The following RAB27B variants were observed in gnomAD, a reference collection of about 807,000 sequenced individuals.
The protein encoded by RAB27B is ras-related protein Rab-27B.
A neutral mutation model predicts 24.6 loss-of-function variants in RAB27B; 15 were observed. The observed-to-expected ratio is 0.61, with a 90% CI of 0.41 to 0.94. RAB27B has a LOEUF of 0.94. RAB27B is among the 40% of genes least tolerant of loss of function. The probability of loss-of-function intolerance (pLI) is 0.00; values close to 1 mark genes in which losing one functional copy is unlikely to be tolerated. For synonymous variants in RAB27B, 105 were observed against 92.5 expected, an observed-to-expected ratio of 1.14 and a Z score of -0.78; for missense variants, 261 against 266.8, an observed-to-expected ratio of 0.98 and a Z score of 0.15.
intron 2 of RAB27B, among the ~76,000 whole-genome samples, chr18:54,730,641 G>A (rs1374335313): frequency 6.6e-6 from 1 of 151,848 alleles, no homozygotes; most frequent in African/African-American, 2.4e-5. Context: ...AGTTCACATG[G>A]GAGCTGGTGT....
chr18:54,836,724 A>AT (rs1330286662), intron 1 of RAB27B, among the ~76,000 whole-genome samples: 2 of 151,942 alleles, frequency 1.3e-5, no homozygotes, highest in Non-Finnish European at 2.9e-5. Context: ...AAATCGGAGG[A>AT]TTTAAACATA....
chr18:54,868,453 T>A (rs1475168620), intron 1 of RAB27B, among the ~76,000 whole-genome samples: 1 of 152,180 alleles, frequency 6.6e-6, no homozygotes, highest in Non-Finnish European at 1.5e-5. Flanking sequence ...TTTTTCTTTA[T>A]AAAGTACCCA....
upstream of RAB27B, chr18:54,828,092 C>T (rs564111625): frequency 6.6e-6 from 1 of 152,292 alleles, no homozygotes; most frequent in African/African-American, 2.4e-5. Flanking sequence ...TTTTATTTCC[C>T]GAGGCCATCC....
At chr18:54,731,844 A>G (rs1052394910) in intron 2 of RAB27B, among the ~76,000 whole-genome samples, 1 of 152,226 alleles carries the variant, frequency 6.6e-6, no homozygotes, top group African/African-American at 2.4e-5. Context: ...CAATGTTAAA[A>G]AATTATTTTG....
rs528509375 is a variant in RAB27B at position 54,837,271 on chromosome 18, T to G, written c.-20+8571T>G. Among the ~76,000 whole-genome samples the G allele has an allele frequency of 2.0e-5, 3 of 152,108 alleles. No homozygotes were observed. The South Asian group carries it at 6.2e-4, about 32-fold the overall frequency. ...GGCAAATACAAAAGGTCTGAAATTG[T>G]AAAGTTGGAGAAGATAAGTTATATT... On this transcript the variant is annotated intron_variant, in intron 1 of 5. Coordinates refer to ENST00000262094, the MANE Select transcript of RAB27B (RefSeq NM_004163.4).
chr18:54,873,684 C>CGTGTGTGTGT (rs1306823681), intron 1 of RAB27B, among the ~76,000 whole-genome samples: 1 of 87,756 alleles, frequency 1.1e-5, no homozygotes, highest in Non-Finnish European at 2.3e-5. Context: ...TGAGCCAAAT[C>CGTGTGTGTGT]CTGTGTGTGT....
chr18:54,749,240 T>C (rs2145028344), intron 2 of RAB27B, among the ~76,000 whole-genome samples: 1 of 152,280 alleles, frequency 6.6e-6, no homozygotes, highest in Non-Finnish European at 1.5e-5. Context: ...CCAGTGATTC[T>C]GGAAAGAGGA....
intron 2 of RAB27B, among the ~76,000 whole-genome samples, chr18:54,722,170 A>G (rs1314028111): frequency 1.3e-5 from 2 of 152,190 alleles, no homozygotes; most frequent in African/African-American, 4.8e-5. Flanking sequence ...ACAAACAAGT[A>G]TTTGATTGTT....
At chr18:54,831,459 A>G (rs993505376) in intron 1 of RAB27B, among the ~76,000 whole-genome samples, 3 of 152,216 alleles carry the variant, frequency 2.0e-5, no homozygotes, top group African/African-American at 7.2e-5. Flanking sequence ...TATTCCAAGT[A>G]AAATGACAAA....
At chr18:54,752,593 A>G (rs753988327) in intron 2 of RAB27B, among the ~76,000 whole-genome samples, 5 of 152,202 alleles carry the variant, frequency 3.3e-5, no homozygotes, top group Non-Finnish European at 7.3e-5. Context: ...AAGCAGCAAG[A>G]AAGGTTTTCT....
Position 54,895,246 on chromosome 18 carries a change from C to T in RAB27B, c.*5833C>T, listed in dbSNP as rs1024511208. On this transcript the variant is annotated 3_prime_UTR_variant, in exon 6 of 6. Transcript: ENST00000262094. ...GGCTAAGCACGTTTGATTATTTTGT[C>T]TGTCTCCTATATAGATCTGTTTTGT... is the stretch of plus-strand genomic sequence containing the variant. 1.2e-4 allele frequency: 19 copies of T among 152,128 alleles called. No homozygotes were observed. Among genetic ancestry groups the T allele is most frequent in the African/African-American group, 3.6e-4 (15 of 41,542 alleles). 9.4% of individuals were successfully genotyped at this position (152,128 alleles called of 1,614,324 possible).
intron 1 of RAB27B, among the ~76,000 whole-genome samples, chr18:54,863,709 A>G (rs1027811982): frequency 9.2e-5 from 14 of 152,144 alleles, no homozygotes; most frequent in Admixed American, 4.6e-4. Context: ...GCGCCTATAC[A>G]CTATGTCTAT....
intron 2 of RAB27B, among the ~76,000 whole-genome samples, chr18:54,817,349 G>A (rs925236369): frequency 3.9e-5 from 6 of 152,118 alleles, no homozygotes; most frequent in Non-Finnish European, 5.9e-5. Context: ...TAGATTTAGA[G>A]TTCTTATTGA....
intron 2 of RAB27B, among the ~76,000 whole-genome samples, chr18:54,739,921 A>G (rs1910022598): frequency 6.6e-6 from 1 of 152,150 alleles, no homozygotes; most frequent in Admixed American, 6.5e-5. Flanking sequence ...TTTTCTTTTG[A>G]GAAATGTCTA....
At chr18:54,876,457 G>A (rs1218061917) in intron 1 of RAB27B, among the ~76,000 whole-genome samples, 4 of 152,168 alleles carry the variant, frequency 2.6e-5, no homozygotes, top group Non-Finnish European at 5.9e-5. Flanking sequence ...ATAATACTGA[G>A]ATAAACCTTT....
chr18:54,737,378 G>A, intron 2 of RAB27B, among the ~76,000 whole-genome samples: 1 of 152,144 alleles, frequency 6.6e-6, no homozygotes, highest in Admixed American at 6.6e-5. Context: ...TATAGTTTCA[G>A]TTATAGGCCA....
intron 2 of RAB27B, among the ~76,000 whole-genome samples, chr18:54,788,009 A>T (rs1336277694): frequency 6.6e-6 from 1 of 152,220 alleles, no homozygotes; most frequent in Non-Finnish European, 1.5e-5. Context: ...CCAAGAAAAG[A>T]TCAACTTTGA....
intron 2 of RAB27B, among the ~76,000 whole-genome samples, chr18:54,787,451 C>T (rs567319192): frequency 6.6e-6 from 1 of 152,220 alleles, no homozygotes; most frequent in South Asian, 2.1e-4. Context: ...ATCTTTACTG[C>T]CCCATGGGAG....
At chr18:54,808,690 A>G (rs1311338499) in intron 2 of RAB27B, among the ~76,000 whole-genome samples, 1 of 152,234 alleles carries the variant, frequency 6.6e-6, no homozygotes, top group Non-Finnish European at 1.5e-5. Flanking sequence ...TAAAAAATGT[A>G]AAATAATGAT....
Sources: gnomAD v4.1 joint callset for allele counts (sites outside exome capture counted in the v4.1 genomes callset) on GRCh38, gnomAD v4.1.1 for gene constraint, MANE v1.5 for transcripts, NCBI Gene and HGNC (gene_info 2026-07-23, HGNC 2026-07-21) for gene names.